GNG7: variants seen among roughly 807,000 people sequenced by gnomAD.
The protein encoded by GNG7 is G protein subunit gamma 7.
In GNG7, 1 loss-of-function variant was observed where a neutral mutation model predicts 4.0. The observed-to-expected ratio is 0.25, with a 90% CI of 0.09 to 1.18. The LOEUF is 1.18. Ranked by LOEUF, GNG7 falls within the 50% of genes most tolerant of loss-of-function variation. The pLI is 0.50. For missense variants in GNG7, 86 were observed against 91.9 expected, an observed-to-expected ratio of 0.94 and a Z score of 0.26; for synonymous variants, 34 against 36.9, an observed-to-expected ratio of 0.92 and a Z score of 0.29.
intron 2 of GNG7, among the ~76,000 whole-genome samples, chr19:2,580,011 C>T (rs1281286367): frequency 6.6e-6 from 1 of 152,124 alleles, no homozygotes; most frequent in Non-Finnish European, 1.5e-5. Context: ...GACACCTGGC[C>T]AGAATCCACT....
intron 2 of GNG7, among the ~76,000 whole-genome samples, chr19:2,566,839 A>C (rs1019371153): frequency 6.6e-6 from 1 of 152,134 alleles, no homozygotes; most frequent in African/African-American, 2.4e-5. Context: ...ATGGTGGCTC[A>C]AGCCTGTAAT....
At chr19:2,672,985 G>A (rs1017838569) in intron 1 of GNG7, among the ~76,000 whole-genome samples, 9 of 151,944 alleles carry the variant, frequency 5.9e-5, no homozygotes, top group African/African-American at 1.9e-4. Context: ...GGCCGGGTGC[G>A]GTGGTTCATG....
chr19:2,651,048 C>A (rs1322904954), intron 1 of GNG7, among the ~76,000 whole-genome samples: 1 of 152,132 alleles, frequency 6.6e-6, no homozygotes, highest in African/African-American at 2.4e-5. Context: ...CAGACACAGG[C>A]AAGAAACACT....
In GNG7 at chr19:2,546,722, G is replaced by A. The variant is rs986818789; in HGVS notation, c.-38+8427C>T. ...CCGCGACGACAGAGGGTGACGCGCC[G>A]CCAGTGTGGGTTTGGTCGCCGCGGT... On this transcript the variant is annotated intron_variant, in intron 3 of 4. Transcript: ENST00000382159. The surrounding 1 kb of genome is among the most constrained non-coding windows in gnomAD (Gnocchi z 6.3). Among the ~76,000 whole-genome samples the A allele has an allele frequency of 5.3e-5, 8 of 152,314 alleles. No homozygotes were observed. Among genetic ancestry groups the A allele is most frequent in the African/African-American group, 1.7e-4 (7 of 41,572 alleles).
At chr19:2,680,754 A>T (rs149080710) in intron 1 of GNG7, among the ~76,000 whole-genome samples, 3 of 151,676 alleles carry the variant, frequency 2.0e-5, no homozygotes, top group Admixed American at 6.6e-5. Flanking sequence ...TTTGTATTTT[A>T]GTAGAGGCGG....
Position 2,653,368 on chromosome 19 carries a change from G to A in GNG7, c.-134-7088C>T, listed in dbSNP as rs1982880113. ...TCCGCAGCAGGGCAGATGAGGGATC[G>A]ATCTGAGTCCCATGATCCTCGGCCC... On this transcript the variant is annotated intron_variant, in intron 1 of 4. Coordinates refer to ENST00000382159, the MANE Select transcript of GNG7 (RefSeq NM_052847.3). This position sits in a 1 kb window ranked among gnomAD's most constrained non-coding sequence, Gnocchi z 4.8. Among the ~76,000 whole-genome samples the A allele has an allele frequency of 6.6e-6, 1 of 152,126 alleles. No individual in the cohort carries two copies. Among genetic ancestry groups the A allele is most frequent in the Admixed American group, 6.6e-5 (1 of 15,266 alleles).
At chr19:2,679,450 T>G (rs1983675661) in intron 1 of GNG7, among the ~76,000 whole-genome samples, 1 of 152,110 alleles carries the variant, frequency 6.6e-6, no homozygotes, top group South Asian at 2.1e-4. Context: ...CACAGCCTCG[T>G]AGTCCATCCC....
Position 2,661,266 on chromosome 19 carries a change from AAAGAAAAG to A in GNG7, c.-134-14994_-134-14987del, listed in dbSNP as rs774784023. On this transcript the variant is annotated intron_variant, in intron 1 of 4. Transcript: ENST00000382159. ...AAAGAAAAGAAAGAAAGAAAGAAAG[AAAGAAAAG>A]AAAGAAAGAAAGAAAGAAAGAAAGA... Among the ~76,000 whole-genome samples, 146 of 57,378 alleles carry A rather than the reference AAAGAAAAG, an allele frequency of 2.5e-3. 9 individuals are homozygous for A. Among genetic ancestry groups the A allele is most frequent in the African/African-American group, 6.3e-3 (77 of 12,284 alleles). 37.6% of individuals were successfully genotyped at this position (57,378 alleles called of 152,430 possible). A position where few individuals can be genotyped will look rare whatever the true frequency, so the allele number is the denominator to read the frequency against.
chr19:2,683,661 G>C (rs1983798736), intron 1 of GNG7: 1 of 152,396 alleles, frequency 6.6e-6, no homozygotes, highest in African/African-American at 2.4e-5. Flanking sequence ...AAACAGGGGA[G>C]CTGGAGCAGG....
At chr19:2,528,239 C>T (rs1043078526) in intron 3 of GNG7, among the ~76,000 whole-genome samples, 3 of 145,258 alleles carry the variant, frequency 2.1e-5, no homozygotes, top group African/African-American at 7.8e-5. Flanking sequence ...CCACTGCACT[C>T]CGGCCTGGGT....
chr19:2,650,113 G>A (rs1339858769), intron 1 of GNG7, among the ~76,000 whole-genome samples: 1 of 151,874 alleles, frequency 6.6e-6, no homozygotes, highest in East Asian at 1.9e-4. Context: ...ACCGGCGGAT[G>A]GACAATCGGC....
intron 3 of GNG7, among the ~76,000 whole-genome samples, chr19:2,553,977 T>TTA (rs1979464884): frequency 1.8e-5 from 1 of 55,424 alleles, no homozygotes; most frequent in South Asian, 5.0e-4. Flanking sequence ...TATGTATATA[T>TTA]TATATGTAAT....
At chr19:2,537,743 C>G (rs567928943) in intron 3 of GNG7, among the ~76,000 whole-genome samples, 1 of 151,048 alleles carries the variant, frequency 6.6e-6, no homozygotes, top group Non-Finnish European at 1.5e-5. Context: ...GGCTGGGACC[C>G]GGTTACAGTG....
intron 2 of GNG7, among the ~76,000 whole-genome samples, chr19:2,590,448 TCCATTCAC>T (rs1980804184): frequency 6.6e-6 from 1 of 151,776 alleles, no homozygotes; most frequent in African/African-American, 2.4e-5. Context: ...CATCCACCCA[TCCATTCAC>T]TCATCTATCC....
chr19:2,515,979 C>T lies in GNG7; in HGVS notation c.82-832G>A, dbSNP rs184585092. 2.0e-4 allele frequency among the ~76,000 whole-genome samples: 30 copies of T among 151,774 alleles called. 1 individual carries two copies. Among genetic ancestry groups the T allele is most frequent in the East Asian group, 9.9e-4 (5 of 5,060 alleles). ...CCTGTAATCCCAACATGTTGGGAGGCGGAGGCGGGAGGATCACTTGAGCCC... is the reference window on the plus strand; with the variant it reads ...CCTGTAATCCCAACATGTTGGGAGGTGGAGGCGGGAGGATCACTTGAGCCC... On this transcript the variant is annotated intron_variant, in intron 4 of 4. Coordinates refer to ENST00000382159, the MANE Select transcript of GNG7 (RefSeq NM_052847.3).
At chr19:2,628,527 A>G (rs62123740) in intron 2 of GNG7, among the ~76,000 whole-genome samples, 16,224 of 148,196 alleles carry the variant, frequency 0.11, 1,400 homozygotes, top group African/African-American at 0.26. Flanking sequence ...GTGTGTGTGT[A>G]TATATATATA....
Position 2,626,445 on chromosome 19 carries a change from C to T in GNG7, c.-78+19779G>A, listed in dbSNP as rs971414762. On this transcript the variant is annotated intron_variant, in intron 2 of 4. Coordinates refer to ENST00000382159, the MANE Select transcript of GNG7 (RefSeq NM_052847.3). The surrounding 1 kb of genome is among the most constrained non-coding windows in gnomAD (Gnocchi z 5.0). ...GAACCCGCTATGGCTCCCTCCTGCC[C>T]TCGGGATAAAATGCAGCCTCTGCCG... Among the ~76,000 whole-genome samples, 3 of 152,208 alleles carry T rather than the reference C, an allele frequency of 2.0e-5. No homozygotes were observed. In the East Asian group the frequency reaches 5.8e-4, roughly 29 times the overall value.
At chr19:2,539,060 G>C (rs940341496) in intron 3 of GNG7, among the ~76,000 whole-genome samples, 11 of 151,764 alleles carry the variant, frequency 7.2e-5, no homozygotes, top group South Asian at 2.1e-4. Flanking sequence ...CGTGAGCCAC[G>C]GCACCCAGCC....
intron 2 of GNG7, among the ~76,000 whole-genome samples, chr19:2,612,759 T>G (rs1981610734): frequency 6.8e-6 from 1 of 147,146 alleles, no homozygotes; most frequent in Admixed American, 6.9e-5. Flanking sequence ...AGCGGTGCGA[T>G]CTCGGCTCGC....
Sources: allele counts gnomAD v4.1 joint callset (sites outside exome capture counted in the v4.1 genomes callset), GRCh38; gene constraint gnomAD v4.1.1; non-coding constraint Gnocchi (gnomAD v3.1); transcripts MANE v1.5; gene names NCBI Gene and HGNC (gene_info 2026-07-23, HGNC 2026-07-21).